Variants in MAMLD1 observed in about 807,000 individuals in gnomAD.
MAMLD1 encodes mastermind like domain containing 1.
Under a neutral mutation model 45.0 loss-of-function variants are expected in MAMLD1, and 14 were observed. That is an observed-to-expected ratio of 0.31 (90% CI 0.21 to 0.49). The LOEUF is 0.49. Ranked by LOEUF, MAMLD1 falls within the 20% of genes least tolerant of loss-of-function variation. MAMLD1 has a pLI of 0.99. For missense variants in MAMLD1, 543 were observed against 603.6 expected, an observed-to-expected ratio of 0.90 and a Z score of 1.05; for synonymous variants, 254 against 247.8, an observed-to-expected ratio of 1.02 and a Z score of -0.24.
chrX:150,418,199 C>A (rs1174596938), intron 1 of MAMLD1, among the ~76,000 whole-genome samples: 1 of 111,922 alleles, frequency 8.9e-6, no homozygotes, highest in Non-Finnish European at 1.9e-5. Context: ...TTATCCATTT[C>A]TTCTAGATTT....
At chrX:150,370,267 A>G (rs2124452632) in intron 1 of MAMLD1, among the ~76,000 whole-genome samples, 1 of 111,470 alleles carries the variant, frequency 9.0e-6, no homozygotes, top group South Asian at 3.9e-4. Context: ...TATGGCAGGA[A>G]AAAAGCATTG....
At chrX:150,441,228 A>G (rs938765163) in intron 1 of MAMLD1, among the ~76,000 whole-genome samples, 1 of 107,993 alleles carries the variant, frequency 9.3e-6, no homozygotes, top group Non-Finnish European at 1.9e-5. Flanking sequence ...CTAGCTATTT[A>G]GAAATATACA....
At chrX:150,484,183 C>CA (rs1227949654) in intron 5 of MAMLD1, among the ~76,000 whole-genome samples, 22 of 110,982 alleles carry the variant, frequency 2.0e-4, no homozygotes, top group African/African-American at 6.2e-4. Flanking sequence ...TGGTTTAAAC[C>CA]AAAAAAAAGA....
At chrX:150,482,137 A>T (rs960089372) in intron 5 of MAMLD1, among the ~76,000 whole-genome samples, 2 of 112,185 alleles carry the variant, frequency 1.8e-5, no homozygotes, top group Admixed American at 9.4e-5. Flanking sequence ...AAATAAATTA[A>T]AAAAATGCAG....
At chrX:150,489,364 TC>T (rs2037100377) in intron 5 of MAMLD1, among the ~76,000 whole-genome samples, 1 of 110,250 alleles carries the variant, frequency 9.1e-6, no homozygotes, top group Non-Finnish European at 1.9e-5. Flanking sequence ...CTTGCTGCAT[TC>T]TCATGTGATG....
intron 1 of MAMLD1, among the ~76,000 whole-genome samples, chrX:150,379,014 A>ATTG (rs2124471840): frequency 8.9e-6 from 1 of 112,322 alleles, no homozygotes; most frequent in Non-Finnish European, 1.9e-5. Flanking sequence ...CAGATGTGGC[A>ATTG]TTGTTACTAA....
intron 1 of MAMLD1, among the ~76,000 whole-genome samples, chrX:150,434,313 T>C (rs2035049715): frequency 9.0e-6 from 1 of 111,095 alleles, no homozygotes; most frequent in African/African-American, 3.3e-5. Flanking sequence ...TATTAATCTA[T>C]CTAGTGGTCT....
At chrX:150,510,358 C>T (rs1420873322) in intron 7 of MAMLD1, among the ~76,000 whole-genome samples, 2 of 111,667 alleles carry the variant, frequency 1.8e-5, no homozygotes, top group Admixed American at 9.5e-5. Context: ...TTGGGGGCTG[C>T]CACACCCCCA....
At chrX:150,369,031 T>A (rs957462522) in intron 1 of MAMLD1, among the ~76,000 whole-genome samples, 3 of 112,611 alleles carry the variant, frequency 2.7e-5, no homozygotes, top group Admixed American at 1.9e-4. Flanking sequence ...CTTAGGATTG[T>A]CTTGGCAATG....
chrX:150,485,967 A>G lies in MAMLD1; in HGVS notation c.2040+12165A>G, dbSNP rs182683856. ...TGTGTAAAGCAGACCTCATGAACTC[A>G]GGGGTCTGAGAGGCCAGGCCAGATT... On this transcript the variant is annotated intron_variant, in intron 5 of 7. Transcript: ENST00000370401. Among the ~76,000 whole-genome samples the G allele has an allele frequency of 2.9e-4, 33 of 111,954 alleles. No homozygotes were observed. The East Asian group carries it at 9.0e-3, about 31-fold the overall frequency.
intron 1 of MAMLD1, among the ~76,000 whole-genome samples, chrX:150,443,271 T>C (rs2035379928): frequency 9.4e-6 from 1 of 106,193 alleles, no homozygotes; most frequent in African/African-American, 3.4e-5. Context: ...TCTCATCTCC[T>C]TCTGGAATTC....
At chrX:150,386,013 T>C in intron 1 of MAMLD1, among the ~76,000 whole-genome samples, 1 of 111,367 alleles carries the variant, frequency 9.0e-6, no homozygotes, top group Non-Finnish European at 1.9e-5. Flanking sequence ...CTCATCTCCA[T>C]AAAGTTGTCT....
At chrX:150,478,100 T>G (rs2036637905) in intron 5 of MAMLD1, among the ~76,000 whole-genome samples, 1 of 112,315 alleles carries the variant, frequency 8.9e-6, no homozygotes, top group Non-Finnish European at 1.9e-5. Context: ...GCCCACTCAG[T>G]AGGGCATAAC....
In MAMLD1 at chrX:150,429,926, T is replaced by C. The variant is rs190202768; in HGVS notation, c.-63-15528T>C. ...GCTAATGATGTTGAACGTCTTTGCA[T>C]GTGTTTACTTGCCATCTGTATATCC... On this transcript the variant is annotated intron_variant, in intron 1 of 7. Transcript: ENST00000370401. Among the ~76,000 whole-genome samples, 3 of 110,866 alleles carry C rather than the reference T, an allele frequency of 2.7e-5. No individual in the cohort carries two copies. The East Asian group carries it at 8.4e-4, about 31-fold the overall frequency.
intron 1 of MAMLD1, among the ~76,000 whole-genome samples, chrX:150,398,337 AGAAGAGGAAGAG>A (rs781831991): frequency 0.021 from 1,089 of 52,031 alleles, 53 homozygotes; most frequent in African/African-American, 0.052. Flanking sequence ...AAGAAGAAGA[AGAAGAGGAAGAG>A]GAAGAGGAAG....
At chrX:150,481,922 C>A (rs1569564957) in intron 5 of MAMLD1, among the ~76,000 whole-genome samples, 7 of 78,206 alleles carry the variant, frequency 9.0e-5, no homozygotes, top group Non-Finnish European at 1.9e-4. Flanking sequence ...GAGACAGAGA[C>A]AGAGAAAGTA....
intron 1 of MAMLD1, among the ~76,000 whole-genome samples, chrX:150,402,871 A>G (rs1199983188): frequency 4.5e-5 from 5 of 110,412 alleles, no homozygotes; most frequent in African/African-American, 1.7e-4. Flanking sequence ...GAATTGAACA[A>G]TGAGAACACA....
rs781904160 is a variant in MAMLD1 at position 150,394,129 on chromosome X, C to CTTTTTTTTTTTTTTTTTTTTT, written c.-64+30604_-64+30624dup. ...GGGGTGTAAGGTCTATATCTACATCCTTTTTTTTTTTTTTTTTTTTTTTTT... is the reference window on the plus strand; with the variant it reads ...GGGGTGTAAGGTCTATATCTACATCCTTTTTTTTTTTTTTTTTTTTTTTTTTTTTTTTTTTTTTTTTTTTTT... On this transcript the variant is annotated intron_variant, in intron 1 of 7. Transcript: ENST00000370401. Among the ~76,000 whole-genome samples the CTTTTTTTTTTTTTTTTTTTTT allele has an allele frequency of 2.2e-3, 27 of 12,261 alleles. 4 individuals carry two copies. Among genetic ancestry groups the CTTTTTTTTTTTTTTTTTTTTT allele is most frequent in the African/African-American group, 5.8e-3 (16 of 2,775 alleles). 10.6% of individuals were successfully genotyped at this position (12,261 alleles called of 115,157 possible). A position where few individuals can be genotyped will look rare whatever the true frequency, so the allele number is the denominator to read the frequency against.
rs1557409204 is a variant in MAMLD1, at chrX:150,512,445, C to T, written c.*486C>T. On this transcript the variant is annotated 3_prime_UTR_variant, in exon 8 of 8. Transcript: ENST00000370401. ...GTCACAGCGGCAGCAGCTGTGACCA[C>T]AGCAGTTTCGGGGAAAACACCCCTC... 2 of 1,155,958 alleles carry T rather than the reference C, an allele frequency of 1.7e-6. No individual in the cohort carries two copies. Among genetic ancestry groups the T allele is most frequent in the East Asian group, 3.2e-5 (1 of 30,792 alleles).
Sources: gnomAD v4.1 joint callset for allele counts (sites outside exome capture counted in the v4.1 genomes callset) on GRCh38, gnomAD v4.1.1 for gene constraint, MANE v1.5 for transcripts, NCBI Gene and HGNC (gene_info 2026-07-23, HGNC 2026-07-21) for gene names.